Variants in OSBPL6 observed in about 807,000 individuals in gnomAD.
The protein encoded by OSBPL6 is oxysterol-binding protein-related protein 6.
A neutral mutation model predicts 125.8 loss-of-function variants in OSBPL6; 49 were observed. That is an observed-to-expected ratio of 0.39 (90% CI 0.31 to 0.49). The LOEUF (loss-of-function observed/expected upper bound fraction) is 0.49, where lower values mean the gene tolerates loss of function less well. Ranked by LOEUF, OSBPL6 falls within the 20% of genes least tolerant of loss-of-function variation. The probability of loss-of-function intolerance (pLI) is 0.88; values close to 1 mark genes in which losing one functional copy is unlikely to be tolerated. For synonymous variants in OSBPL6, 394 were observed against 391.8 expected (o/e 1.01, Z -0.07); for missense variants, 986 against 1,135.4 (o/e 0.87, Z 1.89).
chr2:178,379,189 C>G (rs754159619), intron 15 of OSBPL6, among the ~76,000 whole-genome samples: 1 of 92,308 alleles, frequency 1.1e-5, no homozygotes, highest in Non-Finnish European at 2.2e-5. Context: ...AACGAAGGAA[C>G]GAAAAAAAGA....
At chr2:178,210,624 A>G (rs1172542310) in intron 1 of OSBPL6, among the ~76,000 whole-genome samples, 1 of 152,012 alleles carries the variant, frequency 6.6e-6, no homozygotes, top group Non-Finnish European at 1.5e-5. Context: ...CTGGCCAACC[A>G]ACATGGTGAA....
rs1312753743 is a variant in OSBPL6, at chr2:178,386,746, CA to C, written c.2078-314del. Among the ~76,000 whole-genome samples, 6 of 152,144 alleles carry C rather than the reference CA, an allele frequency of 3.9e-5. No individual in the cohort carries two copies. In the East Asian group the frequency reaches 5.8e-4, roughly 15 times the overall value. On this transcript the variant is annotated intron_variant, in intron 19 of 24. Coordinates refer to ENST00000190611, the MANE Select transcript of OSBPL6 (RefSeq NM_032523.4). ...ACAGACACACACACACACACACACA[CA>C]CACCGCACACACACTGTTCCAGGCT...
chr2:178,280,757 T>C (rs902736804), intron 1 of OSBPL6, among the ~76,000 whole-genome samples: 8 of 152,198 alleles, frequency 5.3e-5, no homozygotes, highest in African/African-American at 1.4e-4. Flanking sequence ...ATAAATGTCT[T>C]CTTTTGAGAA....
intron 1 of OSBPL6, among the ~76,000 whole-genome samples, chr2:178,241,257 G>C (rs1414813845): frequency 6.6e-6 from 1 of 151,722 alleles, no homozygotes; most frequent in African/African-American, 2.4e-5. Flanking sequence ...GGGACTACAG[G>C]TGCACGCCAC....
At chr2:178,330,932 C>T (rs1689143987) in intron 5 of OSBPL6, among the ~76,000 whole-genome samples, 1 of 152,220 alleles carries the variant, frequency 6.6e-6, no homozygotes, top group Admixed American at 6.5e-5. Context: ...GCCAAAAACC[C>T]CTCTCTTTTT....
chr2:178,197,044 T>TC (rs993644452), intron 1 of OSBPL6, among the ~76,000 whole-genome samples: 3 of 151,960 alleles, frequency 2.0e-5, no homozygotes, highest in African/African-American at 7.3e-5. Flanking sequence ...TTTTTTTTTT[T>TC]TGAGATATTG....
intron 12 of OSBPL6, among the ~76,000 whole-genome samples, chr2:178,354,394 C>T (rs185517395): frequency 6.6e-6 from 1 of 152,012 alleles, no homozygotes; most frequent in Non-Finnish European, 1.5e-5. Context: ...GGAGGAAGAT[C>T]TACCAAGCAA....
intron 24 of OSBPL6, among the ~76,000 whole-genome samples, 183 bp from the exon 25 acceptor site, chr2:178,395,268 T>C (rs977132580): frequency 6.6e-6 from 1 of 152,162 alleles, no homozygotes; most frequent in Non-Finnish European, 1.5e-5. Context: ...ATTTCACACA[T>C]TTAACAACAA....
At chr2:178,346,275 T>C (rs1027920951) in intron 11 of OSBPL6, among the ~76,000 whole-genome samples, 1 of 152,186 alleles carries the variant, frequency 6.6e-6, no homozygotes, top group African/African-American at 2.4e-5. Flanking sequence ...ATGCAGTCAG[T>C]ACCCTCAAAG....
Position 178,389,160 on chromosome 2 carries a change from A to C in OSBPL6, c.2301+7A>C, listed in dbSNP as rs762364980. Reference sequence around the variant, plus strand: ...CAAACTCACATTTGTCAAGGTAAATACTATCATACAACAGTAAAGGAAAAT... The same window carrying C: ...CAAACTCACATTTGTCAAGGTAAATCCTATCATACAACAGTAAAGGAAAAT... On this transcript the variant is annotated splice_region_variant and intron_variant, in intron 21 of 24. Coordinates refer to ENST00000190611, the MANE Select transcript of OSBPL6 (RefSeq NM_032523.4). 1 of 1,612,820 alleles carries C rather than the reference A, an allele frequency of 6.2e-7. No individual in the cohort carries two copies. The highest frequency in any genetic ancestry group is 1.3e-5 in the African/African-American group (1 of 75,046).
upstream of OSBPL6, among the ~76,000 whole-genome samples, chr2:178,194,042 C>G (rs1378939759): frequency 2.0e-5 from 3 of 152,236 alleles, no homozygotes; most frequent in Non-Finnish European, 4.4e-5. Context: ...AATTCGGTCT[C>G]CCGCAGTGCT....
At chr2:178,352,770 G>A (rs536787946) in intron 12 of OSBPL6, among the ~76,000 whole-genome samples, 14 of 152,304 alleles carry the variant, frequency 9.2e-5, no homozygotes, top group Admixed American at 2.6e-4. Flanking sequence ...CTTTGAGAAC[G>A]GACAGAATGC....
intron 1 of OSBPL6, among the ~76,000 whole-genome samples, chr2:178,279,948 C>G (rs1683979554): frequency 6.6e-6 from 1 of 152,048 alleles, no homozygotes; most frequent in Admixed American, 6.6e-5. Context: ...ACCTGGAATC[C>G]CAGCACTTTG....
chr2:178,255,903 G>T (rs562953108), intron 1 of OSBPL6, among the ~76,000 whole-genome samples: 1 of 152,154 alleles, frequency 6.6e-6, no homozygotes, highest in African/African-American at 2.4e-5. Context: ...AAAACGTTTG[G>T]TCCAGAATCA....
intron 2 of OSBPL6, among the ~76,000 whole-genome samples, chr2:178,290,196 C>T (rs1685112619): frequency 6.6e-6 from 1 of 152,146 alleles, no homozygotes; most frequent in Non-Finnish European, 1.5e-5. Context: ...AAAGAACTTC[C>T]ATCATCAACT....
At chr2:178,391,457 T>C (rs1695400547) in intron 22 of OSBPL6, among the ~76,000 whole-genome samples, 1 of 152,204 alleles carries the variant, frequency 6.6e-6, no homozygotes, top group African/African-American at 2.4e-5. Context: ...CAGTCAGAGA[T>C]TGGGCTTCAT....
Position 178,399,723 on chromosome 2 carries a change from A to G in OSBPL6, c.*4164A>G, listed in dbSNP as rs779427331. 35 of 152,232 alleles carry G rather than the reference A, an allele frequency of 2.3e-4. No homozygotes were observed. The highest frequency in any genetic ancestry group is 4.7e-4 in the Non-Finnish European group (32 of 68,026). 9.4% of individuals were successfully genotyped at this position (152,232 alleles called of 1,614,324 possible). A position where few individuals can be genotyped will look rare whatever the true frequency, so the allele number is the denominator to read the frequency against. ...TTTTCTCCAGCCTTGCTCCTAACAT[A>G]GTGAAAGGCATAGATACACATGTAT... is the stretch of plus-strand genomic sequence containing the variant. On this transcript the variant is annotated 3_prime_UTR_variant, in exon 25 of 25. Coordinates refer to ENST00000190611, the MANE Select transcript of OSBPL6 (RefSeq NM_032523.4).
chr2:178,236,086 A>G (rs988635105), intron 1 of OSBPL6, among the ~76,000 whole-genome samples: 4 of 152,132 alleles, frequency 2.6e-5, no homozygotes, highest in African/African-American at 9.7e-5. Flanking sequence ...TGTTCTCTGC[A>G]ACCATTGCTT....
At chr2:178,236,815 G>A (rs1269494971) in intron 1 of OSBPL6, among the ~76,000 whole-genome samples, 3 of 152,076 alleles carry the variant, frequency 2.0e-5, no homozygotes, top group South Asian at 2.1e-4. Context: ...CAGAATTACC[G>A]TCTTTGACCA....
Sources: allele counts gnomAD v4.1 joint callset (sites outside exome capture counted in the v4.1 genomes callset), GRCh38; gene constraint gnomAD v4.1.1; transcripts MANE v1.5; gene names NCBI Gene and HGNC (gene_info 2026-07-23, HGNC 2026-07-21).